The following XKR9 variants were observed in gnomAD, a reference collection of about 807,000 sequenced individuals.
XKR9 encodes XK related 9.
In XKR9, 32 loss-of-function variants were observed where a neutral mutation model predicts 32.0. The ratio of observed to expected loss-of-function variants is 1.00; its 90% confidence interval spans 0.76 to 1.34. The LOEUF is 1.34. Ranked by LOEUF, XKR9 falls within the 40% of genes most tolerant of loss-of-function variation. The probability of loss-of-function intolerance (pLI) is 0.00; values close to 1 mark genes in which losing one functional copy is unlikely to be tolerated. For missense variants in XKR9, 546 were observed against 429.7 expected (o/e 1.27, Z -2.39); for synonymous variants, 168 against 143.4 (o/e 1.17, Z -1.22).
chr8:70,773,259 A>G (rs535052961), intron 2 of XKR9, among the ~76,000 whole-genome samples: 2 of 152,318 alleles, frequency 1.3e-5, no homozygotes, highest in East Asian at 1.9e-4. Context: ...ATTATTTGGC[A>G]TGTTTACAGA....
chr8:71,058,563 A>G, the XKR9 span, among the ~76,000 whole-genome samples: 1 of 152,156 alleles, frequency 6.6e-6, no homozygotes, highest in African/African-American at 2.4e-5. Context: ...CTAAGAAATT[A>G]GTGAGTGTAA....
chr8:70,948,878 AG>A, the XKR9 span, among the ~76,000 whole-genome samples: 1 of 152,254 alleles, frequency 6.6e-6, no homozygotes, highest in South Asian at 2.1e-4. Context: ...AGAATTCTTC[AG>A]GAAGTTGAAA....
intron 3 of XKR9, among the ~76,000 whole-genome samples, chr8:70,706,239 C>G (rs116526519): frequency 2.0e-5 from 3 of 151,870 alleles, no homozygotes; most frequent in African/African-American, 7.3e-5. Context: ...TTTTTGTTAT[C>G]GATTTTATCT....
intron 2 of XKR9, among the ~76,000 whole-genome samples, chr8:70,776,680 G>A (rs534958506): frequency 6.6e-5 from 10 of 152,076 alleles, no homozygotes; most frequent in South Asian, 6.2e-4. Flanking sequence ...ATGGAGATAG[G>A]ACAGCCTCTG....
At chr8:70,958,528 T>G in the XKR9 span, among the ~76,000 whole-genome samples, 1 of 152,234 alleles carries the variant, frequency 6.6e-6, no homozygotes, top group Non-Finnish European at 1.5e-5. Flanking sequence ...CTCATGTCCT[T>G]TGCCCACTTT....
chr8:70,763,521 G>C lies in XKR9; in HGVS notation n.353-25818G>C, dbSNP rs1467199780. On this transcript the variant is annotated intron_variant and non_coding_transcript_variant, in intron 2 of 3. Coordinates refer to the XKR9 transcript ENST00000520273. ...TGGTTGGCTGCTTTGGCCTTTGGCAGTTCTCATTAATGTAATTCTTCTATT... is the reference window on the plus strand; with the variant it reads ...TGGTTGGCTGCTTTGGCCTTTGGCACTTCTCATTAATGTAATTCTTCTATT... 2.0e-5 allele frequency among the ~76,000 whole-genome samples: 3 copies of C among 152,258 alleles called. No homozygotes were observed. The South Asian group carries it at 6.2e-4, about 32-fold the overall frequency.
chr8:70,928,486 A>G, the XKR9 span, among the ~76,000 whole-genome samples: 5 of 152,142 alleles, frequency 3.3e-5, no homozygotes, highest in Non-Finnish European at 1.5e-5. Flanking sequence ...GATTTTTTTT[A>G]GGTTAATGAA....
chr8:70,761,246 T>G (rs1008398617), intron 2 of XKR9, among the ~76,000 whole-genome samples: 24 of 152,232 alleles, frequency 1.6e-4, no homozygotes, highest in African/African-American at 5.8e-4. Context: ...GATTGCCTGG[T>G]TGAATGGTGT....
At chr8:70,990,751 GAGAGAGAGAGAGAGAGAA>G in the XKR9 span, among the ~76,000 whole-genome samples, 3 of 151,972 alleles carry the variant, frequency 2.0e-5, no homozygotes, top group East Asian at 3.9e-4. Context: ...GAGAGAGAGA[GAGAGAGAGAGAGAGAGAA>G]AGAGAGAGAG....
chr8:70,918,669 G>T, the XKR9 span, among the ~76,000 whole-genome samples: 1 of 151,060 alleles, frequency 6.6e-6, no homozygotes, highest in African/African-American at 2.4e-5. Flanking sequence ...CTCCAGCCTG[G>T]GTGACAGAGC....
chr8:70,751,179 A>G (rs1233720187), intron 2 of XKR9, among the ~76,000 whole-genome samples: 1 of 152,158 alleles, frequency 6.6e-6, no homozygotes, highest in Non-Finnish European at 1.5e-5. Flanking sequence ...CCCAGGCTGG[A>G]GTGCAGTGGC....
At chr8:70,904,447 T>TG in the XKR9 span, among the ~76,000 whole-genome samples, 126 of 152,216 alleles carry the variant, frequency 8.3e-4, 1 homozygote, top group African/African-American at 2.9e-3. Flanking sequence ...AACCCTGCTT[T>TG]TTTTTGCTTT....
At chr8:70,979,055 G>A in the XKR9 span, among the ~76,000 whole-genome samples, 1,285 of 152,134 alleles carry the variant, frequency 8.4e-3, 9 homozygotes, top group Admixed American at 0.015. Context: ...CATGCATCGC[G>A]TAGTTCTCAT....
At chr8:70,746,349 A>T (rs1807058797) in intron 2 of XKR9, among the ~76,000 whole-genome samples, 1 of 148,014 alleles carries the variant, frequency 6.8e-6, no homozygotes, top group African/African-American at 2.4e-5. Flanking sequence ...AAGAATATAG[A>T]ATATAAAGAA....
the XKR9 span, among the ~76,000 whole-genome samples, chr8:70,826,936 A>C: frequency 1.4e-4 from 21 of 152,290 alleles, no homozygotes; most frequent in South Asian, 4.1e-3. Flanking sequence ...AAGGTTAACA[A>C]GTGAAAAAAT....
chr8:70,866,239 G>A, the XKR9 span, among the ~76,000 whole-genome samples: 9 of 152,178 alleles, frequency 5.9e-5, no homozygotes, highest in Non-Finnish European at 1.3e-4. Flanking sequence ...CCCCAGTCTG[G>A]GTTGAAATCC....
downstream of XKR9, among the ~76,000 whole-genome samples, chr8:70,740,349 T>G (rs1481897646): frequency 2.0e-5 from 3 of 152,092 alleles, no homozygotes; most frequent in African/African-American, 7.2e-5. Flanking sequence ...CTGTATTGGT[T>G]ATTCTAGTTA....
chr8:70,729,559 G>T (rs1006449091), intron 4 of XKR9, among the ~76,000 whole-genome samples: 2 of 151,964 alleles, frequency 1.3e-5, no homozygotes, highest in Non-Finnish European at 2.9e-5. Flanking sequence ...TCAAAGTTTT[G>T]TAGCTGATTA....
At chr8:70,799,464 G>A in the XKR9 span, among the ~76,000 whole-genome samples, 1 of 152,090 alleles carries the variant, frequency 6.6e-6, no homozygotes, top group Non-Finnish European at 1.5e-5. Context: ...CTGAGTAGCT[G>A]GGACTACTGG....
Sources: gnomAD v4.1 joint callset for allele counts (sites outside exome capture counted in the v4.1 genomes callset) on GRCh38, gnomAD v4.1.1 for gene constraint, MANE v1.5 for transcripts, NCBI Gene and HGNC (gene_info 2026-07-23, HGNC 2026-07-21) for gene names.